Variants in CDKAL1 observed in about 807,000 individuals in gnomAD.
The protein encoded by CDKAL1 is CDKAL1 threonylcarbamoyladenosine tRNA methylthiotransferase.
In CDKAL1, 32 loss-of-function variants were observed where a neutral mutation model predicts 68.2. The observed-to-expected ratio is 0.47, with a 90% CI of 0.35 to 0.63. The LOEUF (loss-of-function observed/expected upper bound fraction) is 0.63, where lower values mean the gene tolerates loss of function less well. Among genes scored for constraint, CDKAL1 ranks in the 30% least tolerant of loss-of-function variants. The pLI is 0.00. For missense variants in CDKAL1, 606 were observed against 696.7 expected (o/e 0.87, Z 1.47); for synonymous variants, 234 against 244.3 (o/e 0.96, Z 0.39).
Position 21,146,874 on chromosome 6 carries a change from A to G in CDKAL1, c.1299+38411A>G, listed in dbSNP as rs182113280. ...TCAAAAAAAAAAAAAAAAAAAAAAGATACTCTTGAGTTTACCTTTCTATCC... is the reference window on the plus strand; with the variant it reads ...TCAAAAAAAAAAAAAAAAAAAAAAGGTACTCTTGAGTTTACCTTTCTATCC... On this transcript the variant is annotated intron_variant, in intron 13 of 15. Coordinates refer to ENST00000274695, the MANE Select transcript of CDKAL1 (RefSeq NM_017774.3). 1.5e-3 allele frequency among the ~76,000 whole-genome samples: 220 copies of G among 145,970 alleles called. 1 individual carries two copies. The highest frequency in any genetic ancestry group is 5.2e-3 in the African/African-American group (209 of 39,936).
chr6:20,979,746 T>A (rs1331101974), intron 10 of CDKAL1, among the ~76,000 whole-genome samples: 1 of 150,692 alleles, frequency 6.6e-6, no homozygotes, highest in African/African-American at 2.4e-5. Flanking sequence ...ATGATTTATA[T>A]TGATATTAAA....
intron 11 of CDKAL1, among the ~76,000 whole-genome samples, chr6:21,016,273 G>A (rs1355152657): frequency 6.6e-6 from 1 of 151,996 alleles, no homozygotes. Context: ...AGAGCTTGAA[G>A]TTAGGTAGAA....
chr6:20,583,793 C>CT (rs1554156913), intron 4 of CDKAL1, among the ~76,000 whole-genome samples: 23 of 150,526 alleles, frequency 1.5e-4, no homozygotes, highest in Non-Finnish European at 2.7e-4. Context: ...CGCCCCCCCC[C>CT]ACTAGTTTCA....
At chr6:20,859,062 CTTTT>C (rs1218244716) in intron 9 of CDKAL1, among the ~76,000 whole-genome samples, 2 of 151,520 alleles carry the variant, frequency 1.3e-5, no homozygotes, top group East Asian at 3.9e-4. Flanking sequence ...ACATATGTAT[CTTTT>C]TTTAATGAGT....
chr6:20,575,497 C>T (rs948669834), intron 4 of CDKAL1, among the ~76,000 whole-genome samples: 2 of 150,236 alleles, frequency 1.3e-5, no homozygotes, highest in Middle Eastern at 3.2e-3. Flanking sequence ...AAAAAGTATC[C>T]ATTTAATTTT....
At chr6:21,057,731 C>G (rs550235526) in intron 11 of CDKAL1, among the ~76,000 whole-genome samples, 17 of 152,232 alleles carry the variant, frequency 1.1e-4, no homozygotes, top group South Asian at 4.1e-4. Flanking sequence ...TCATTAGTTT[C>G]AAAGAACTTT....
chr6:20,967,329 T>C (rs1765368567), intron 10 of CDKAL1, among the ~76,000 whole-genome samples: 1 of 152,204 alleles, frequency 6.6e-6, no homozygotes, highest in Non-Finnish European at 1.5e-5. Flanking sequence ...TTGTAGTAAA[T>C]AGAAATTCTT....
intron 13 of CDKAL1, among the ~76,000 whole-genome samples, chr6:21,145,078 C>T (rs553183119): frequency 2.9e-4 from 44 of 152,224 alleles, no homozygotes; most frequent in African/African-American, 9.6e-4. Context: ...ATGTCTTACA[C>T]ATGTTTCTAG....
intron 15 of CDKAL1, among the ~76,000 whole-genome samples, chr6:21,212,296 C>T (rs952559982): frequency 1.3e-5 from 2 of 152,096 alleles, no homozygotes; most frequent in Non-Finnish European, 2.9e-5. Context: ...TCCTCTGTTA[C>T]TCCAGCTGAT....
At chr6:20,540,095 A>G (rs1357309372) in intron 2 of CDKAL1, among the ~76,000 whole-genome samples, 3 of 84,732 alleles carry the variant, frequency 3.5e-5, no homozygotes, top group African/African-American at 2.5e-4. Context: ...TTTTTTTGAG[A>G]CAGAGTCTCA....
intron 9 of CDKAL1, among the ~76,000 whole-genome samples, chr6:20,879,171 C>A (rs1171928375): frequency 6.6e-6 from 1 of 152,080 alleles, no homozygotes; most frequent in Admixed American, 6.5e-5. Context: ...CTGCCTAGTC[C>A]CTAGGACTGA....
chr6:21,122,882 C>T (rs1389166739), intron 13 of CDKAL1, among the ~76,000 whole-genome samples: 2 of 146,392 alleles, frequency 1.4e-5, no homozygotes, highest in African/African-American at 5.1e-5. Flanking sequence ...TGGCTTTTAG[C>T]GATCCTCCCA....
intron 5 of CDKAL1, among the ~76,000 whole-genome samples, chr6:20,698,010 T>G (rs1481868599): frequency 1.3e-5 from 2 of 152,228 alleles, no homozygotes; most frequent in African/African-American, 4.8e-5. Context: ...ATTTATATGC[T>G]TTATATCAGT....
At chr6:20,946,593 C>CTTT (rs11361870) in intron 9 of CDKAL1, among the ~76,000 whole-genome samples, 1 of 91,228 alleles carries the variant, frequency 1.1e-5, no homozygotes, top group Non-Finnish European at 2.2e-5. Context: ...CAATCCATAC[C>CTTT]TTTTTTTTTT....
At chr6:21,003,411 C>T (rs55872854) in intron 11 of CDKAL1, among the ~76,000 whole-genome samples, 2,245 of 134,282 alleles carry the variant, frequency 0.017, 33 homozygotes, top group Non-Finnish European at 0.027. Flanking sequence ...CATACCTACA[C>T]AAAAATTAGC....
chr6:21,100,676 T>G (rs1420517374), intron 12 of CDKAL1, among the ~76,000 whole-genome samples: 1 of 134,222 alleles, frequency 7.5e-6, no homozygotes, highest in Non-Finnish European at 1.6e-5. Flanking sequence ...AGAGTTTGCC[T>G]GTTTCCCTGT....
chr6:20,814,417 C>T (rs906399398), intron 8 of CDKAL1, among the ~76,000 whole-genome samples: 2 of 152,134 alleles, frequency 1.3e-5, no homozygotes, highest in African/African-American at 4.8e-5. Flanking sequence ...GCTTCTGGGA[C>T]TATAGGCACT....
intron 13 of CDKAL1, among the ~76,000 whole-genome samples, chr6:21,172,437 T>C (rs1254143131): frequency 6.6e-6 from 1 of 152,170 alleles, no homozygotes; most frequent in Non-Finnish European, 1.5e-5. Context: ...AGCATGGGGA[T>C]TGTGTTTCTT....
At chr6:20,536,941 G>A (rs1763197013) in intron 2 of CDKAL1, among the ~76,000 whole-genome samples, 1 of 152,222 alleles carries the variant, frequency 6.6e-6, no homozygotes, top group African/African-American at 2.4e-5. Context: ...ACATGAGAAT[G>A]ACTGGAAAGT....
Sources: allele counts gnomAD v4.1 joint callset (sites outside exome capture counted in the v4.1 genomes callset), GRCh38; gene constraint gnomAD v4.1.1; transcripts MANE v1.5; gene names NCBI Gene and HGNC (gene_info 2026-07-23, HGNC 2026-07-21).